Variants in CTPS1 observed in about 807,000 individuals in gnomAD.
The protein encoded by CTPS1 is CTP synthetase 1.
A neutral mutation model predicts 80.5 loss-of-function variants in CTPS1; 25 were observed. That is an observed-to-expected ratio of 0.31 (90% CI 0.23 to 0.43). CTPS1 has a LOEUF of 0.43. CTPS1 is among the 20% of genes least tolerant of loss of function. The pLI is 1.00. For missense variants in CTPS1, 442 were observed against 725.7 expected, an observed-to-expected ratio of 0.61 and a Z score of 4.49; for synonymous variants, 267 against 252.5, an observed-to-expected ratio of 1.06 and a Z score of -0.54.
At chr1:40,993,570 C>T (rs1393454437) in intron 7 of CTPS1, among the ~76,000 whole-genome samples, 1 of 152,118 alleles carries the variant, frequency 6.6e-6, no homozygotes, top group Non-Finnish European at 1.5e-5. Flanking sequence ...ACTCTTTGGG[C>T]TCAGGCAGTC....
rs1047189199 is a variant in CTPS1, at chr1:40,984,998, C to A, written c.337+7C>A. The stretch of plus-strand genomic sequence containing the variant: ...TTGGGGAAAACTGTCCAAGGTAATA[C>A]TGGATTTACCTTTAAAGCTTAAAAG... On this transcript the variant is annotated splice_region_variant and intron_variant, in intron 3 of 18. Transcript: ENST00000650070. The A allele has an allele frequency of 6.5e-7, 1 of 1,541,792 alleles. No homozygotes were observed. Among genetic ancestry groups the A allele is most frequent in the Non-Finnish European group, 8.8e-7 (1 of 1,134,368 alleles).
At chr1:40,990,063 A>G (rs181648884) in intron 5 of CTPS1, among the ~76,000 whole-genome samples, 670 of 149,762 alleles carry the variant, frequency 4.5e-3, no homozygotes, top group Non-Finnish European at 7.8e-3. Context: ...CCTATGGGCC[A>G]CATGAACCTA....
intron 12 of CTPS1, among the ~76,000 whole-genome samples, chr1:41,004,439 G>A (rs12023079): frequency 0.11 from 16,434 of 152,116 alleles, 1,265 homozygotes; most frequent in East Asian, 0.27. Flanking sequence ...CTTATCACCC[G>A]CCACCCCAGA....
chr1:41,006,168 T>G lies in CTPS1; in HGVS notation c.1296+74T>G, dbSNP rs186561604. The G allele has an allele frequency of 5.3e-4, 678 of 1,282,670 alleles. No homozygotes were observed. In the Middle Eastern group the frequency reaches 7.0e-3, roughly 13 times the overall value. 79.5% of individuals were successfully genotyped at this position (1,282,670 alleles called of 1,614,324 possible). A position where few individuals can be genotyped will look rare whatever the true frequency, so the allele number is the denominator to read the frequency against. On this transcript the variant is annotated intron_variant, in intron 13 of 18. Transcript: ENST00000650070. ...GGCATTTATGAACGTGATTGATGATTAGAGACAAGAAGTGAGACTGCTTGA... is the reference window on the plus strand; with the variant it reads ...GGCATTTATGAACGTGATTGATGATGAGAGACAAGAAGTGAGACTGCTTGA...
chr1:41,006,195 TC>T, intron 13 of CTPS1, 101 bp downstream of exon 13: 1 of 1,019,394 alleles, frequency 9.8e-7, no homozygotes, highest in South Asian at 1.4e-5. Flanking sequence ...ACTGCTTGAG[TC>T]CATCCCAAAG....
rs188416592 is a variant in CTPS1 at position 41,007,960 on chromosome 1, G to A, written c.1393+415G>A. ...GTACTAATAGATGCTGAAGGTTTAG[G>A]GTAGTTTTCGGAGGAAAATAGTTAA... On this transcript the variant is annotated intron_variant, in intron 14 of 18. Coordinates refer to ENST00000650070, the MANE Select transcript of CTPS1 (RefSeq NM_001905.4). This position sits in a 1 kb window ranked among gnomAD's most constrained non-coding sequence, Gnocchi z 4.4. 1.3e-5 allele frequency among the ~76,000 whole-genome samples: 2 copies of A among 152,300 alleles called. No individual in the cohort carries two copies. The highest frequency in any genetic ancestry group is 1.3e-4 in the Admixed American group (2 of 15,298).
rs754231014 is a variant in CTPS1 at position 40,995,911 on chromosome 1, A to G, written c.721-6A>G. On this transcript the variant is annotated splice_region_variant and splice_polypyrimidine_tract_variant and intron_variant, in intron 7 of 18. Transcript: ENST00000650070. ...TTTATTTAATAACTTGCTTTTTTCT[A>G]AACAGGTGATCTGTGTCCACGATGT... The G allele has an allele frequency of 6.2e-7, 1 of 1,608,606 alleles. No individual in the cohort carries two copies. The highest frequency in any genetic ancestry group is 8.5e-7 in the Non-Finnish European group (1 of 1,176,948).
intron 10 of CTPS1, among the ~76,000 whole-genome samples, 172 bp from the exon 11 acceptor site, chr1:41,001,988 T>G (rs542530379): frequency 1.2e-4 from 18 of 152,248 alleles, no homozygotes; most frequent in Non-Finnish European, 2.5e-4. Context: ...GTCCATAGTT[T>G]CATATGCAGT....
intron 1 of CTPS1, chr1:40,980,046 G>C (rs1570931459): frequency 6.6e-6 from 1 of 151,204 alleles, no homozygotes; most frequent in Non-Finnish European, 1.5e-5. Flanking sequence ...TCCCGCGCGC[G>C]GGCCTCGTGG....
At chr1:40,993,978 C>CAAGTTGGCCA (rs775087795) in intron 7 of CTPS1, among the ~76,000 whole-genome samples, 3 of 151,864 alleles carry the variant, frequency 2.0e-5, no homozygotes, top group Non-Finnish European at 4.4e-5. Context: ...GGGGTTTTGC[C>CAAGTTGGCCA]AAGTTGGCCA....
chr1:41,006,246 A>G, intron 13 of CTPS1, 152 bp downstream of exon 13: 1 of 619,552 alleles, frequency 1.6e-6, no homozygotes, highest in South Asian at 2.2e-5. Context: ...CCAGAGAGGA[A>G]AAACTTTTCT....
At chr1:41,005,434 A>G (rs1374137236) in intron 12 of CTPS1, among the ~76,000 whole-genome samples, 5 of 151,710 alleles carry the variant, frequency 3.3e-5, no homozygotes. Context: ...CTTGTTGCCC[A>G]CAAGTGTGAA....
At chr1:40,988,278 CTT>C (rs34538426) in intron 4 of CTPS1, among the ~76,000 whole-genome samples, 33 of 138,182 alleles carry the variant, frequency 2.4e-4, no homozygotes, top group Non-Finnish European at 1.6e-4. Flanking sequence ...TTAGGTTTTT[CTT>C]TTTTTTTTTT....
rs139322260 is a variant in CTPS1, at chr1:41,006,074, C to G, written c.1276C>G (p.Pro426Ala). 2.4e-4 allele frequency: 389 copies of G among 1,613,542 alleles called. 1 individual carries two copies. The African/African-American group carries it at 4.1e-3, about 17-fold the overall frequency. Reference sequence around the variant, plus strand: ...AGATGCCAATTCTACAGAGTTTGACCCTACGACCAGTCATCCCGTGGTGAG... The same window carrying G: ...AGATGCCAATTCTACAGAGTTTGACGCTACGACCAGTCATCCCGTGGTGAG... ...WQDANSTEFD[P>A]TTSHPVVVDM... is the part of the protein sequence containing the mutation. Residue 426 changes from proline to alanine, a missense_variant, in exon 13 of 19, where the codon CCT (proline) becomes GCT (alanine). Coordinates refer to ENST00000650070, the MANE Select transcript of CTPS1 (RefSeq NM_001905.4).
chr1:40,996,917 T>C (rs1642766499), intron 8 of CTPS1, among the ~76,000 whole-genome samples: 1 of 151,976 alleles, frequency 6.6e-6, no homozygotes, highest in African/African-American at 2.4e-5. Flanking sequence ...ATGTCTGTTA[T>C]TTTTTTTGGT....
At chr1:40,981,550 T>C (rs1642292044) in intron 1 of CTPS1, among the ~76,000 whole-genome samples, 1 of 152,156 alleles carries the variant, frequency 6.6e-6, no homozygotes, top group Non-Finnish European at 1.5e-5. Context: ...CTGATTTTCA[T>C]GTGTCAATAA....
intron 8 of CTPS1, among the ~76,000 whole-genome samples, chr1:40,996,858 T>C (rs560500626): frequency 9.2e-5 from 14 of 152,356 alleles, no homozygotes; most frequent in Non-Finnish European, 2.1e-4. Flanking sequence ...GAATGTCCCA[T>C]AATTTGTTTG....
intron 14 of CTPS1, among the ~76,000 whole-genome samples, chr1:41,008,405 A>G (rs140747996): frequency 6.6e-6 from 1 of 152,278 alleles, no homozygotes; most frequent in Non-Finnish European, 1.5e-5. Context: ...CTTTGCAATC[A>G]TGTGTTTGAG....
chr1:41,002,301 G>C (rs774543321), intron 11 of CTPS1, 47 bp downstream of exon 11: 1 of 1,502,086 alleles, frequency 6.7e-7, no homozygotes, highest in African/African-American at 1.4e-5. Flanking sequence ...AGGAAAGAGT[G>C]GGGAACGGTG....
Sources: allele counts gnomAD v4.1 joint callset (sites outside exome capture counted in the v4.1 genomes callset), GRCh38; gene constraint gnomAD v4.1.1; non-coding constraint Gnocchi (gnomAD v3.1); transcripts MANE v1.5; gene names NCBI Gene and HGNC (gene_info 2026-07-23, HGNC 2026-07-21).